The following COL14A1 variants were observed in gnomAD, a reference collection of about 807,000 sequenced individuals.
COL14A1 encodes the protein collagen type XIV alpha 1 chain.
A neutral mutation model predicts 230.3 loss-of-function variants in COL14A1; 136 were observed. That is an observed-to-expected ratio of 0.59 (90% CI 0.51 to 0.68). The LOEUF is 0.68. COL14A1 is among the 30% of genes least tolerant of loss of function. The probability of loss-of-function intolerance (pLI) is 0.00; values close to 1 mark genes in which losing one functional copy is unlikely to be tolerated. For synonymous variants in COL14A1, 792 were observed against 784.1 expected, an observed-to-expected ratio of 1.01 and a Z score of -0.17; for missense variants, 1,976 against 2,215.8, an observed-to-expected ratio of 0.89 and a Z score of 2.17.
At chr8:120,208,540 C>T (rs377434148) in intron 11 of COL14A1, among the ~76,000 whole-genome samples, 179 bp downstream of exon 11, 3 of 151,926 alleles carry the variant, frequency 2.0e-5, no homozygotes, top group East Asian at 1.9e-4. Flanking sequence ...ATAGTCTTGC[C>T]GGTGCTATGT....
intron 5 of COL14A1, among the ~76,000 whole-genome samples, chr8:120,174,646 G>T (rs1816214890): frequency 1.3e-5 from 2 of 152,132 alleles, no homozygotes; most frequent in Admixed American, 1.3e-4. Flanking sequence ...CTATCTCAAA[G>T]GGTTTATTGT....
At chr8:120,133,839 A>G (rs1814624549) in intron 1 of COL14A1, among the ~76,000 whole-genome samples, 1 of 152,126 alleles carries the variant, frequency 6.6e-6, no homozygotes, top group Admixed American at 6.5e-5. Context: ...AAGAAGAAAG[A>G]TATCATCTAC....
At chr8:120,149,772 G>A (rs1415422314) in intron 2 of COL14A1, among the ~76,000 whole-genome samples, 1 of 149,874 alleles carries the variant, frequency 6.7e-6, no homozygotes, top group African/African-American at 2.5e-5. Flanking sequence ...TCGGCTAACT[G>A]CAACCTCTGC....
intron 5 of COL14A1, among the ~76,000 whole-genome samples, chr8:120,171,775 A>G (rs1816100160): frequency 6.6e-6 from 1 of 152,136 alleles, no homozygotes; most frequent in South Asian, 2.1e-4. Context: ...AACTCTTTAA[A>G]TATTATTTTT....
At chr8:120,264,971 T>C (rs1361125745) in intron 24 of COL14A1, among the ~76,000 whole-genome samples, 1 of 152,160 alleles carries the variant, frequency 6.6e-6, no homozygotes, top group East Asian at 1.9e-4. Flanking sequence ...CTCTGTTTGA[T>C]GTAAATGTTT....
intron 17 of COL14A1, 56 bp from the exon 18 acceptor site, chr8:120,228,654 T>A: frequency 7.6e-7 from 1 of 1,320,278 alleles, no homozygotes; most frequent in Non-Finnish European, 1.1e-6. Context: ...TACAACATGC[T>A]ATAGAAAAAT....
At chr8:120,345,229 G>A (rs187817342) in intron 44 of COL14A1, 146 bp from the exon 45 acceptor site, 1 of 665,868 alleles carries the variant, frequency 1.5e-6, no homozygotes, top group Admixed American at 3.7e-5. Context: ...TGTTAAGCTG[G>A]AAATCAACAT....
intron 19 of COL14A1, among the ~76,000 whole-genome samples, chr8:120,239,813 T>C (rs1818558734): frequency 6.8e-6 from 1 of 147,016 alleles, no homozygotes; most frequent in Admixed American, 6.9e-5. Flanking sequence ...GGCTTTGTTT[T>C]GTTTTGTTTC....
chr8:120,196,537 A>G (rs1817044706), intron 5 of COL14A1, among the ~76,000 whole-genome samples: 2 of 152,164 alleles, frequency 1.3e-5, no homozygotes, highest in Admixed American at 6.5e-5. Flanking sequence ...AAATACACAG[A>G]AGGCTGAGTT....
chr8:120,302,988 C>CT (rs1190167535), intron 36 of COL14A1, among the ~76,000 whole-genome samples: 1 of 152,006 alleles, frequency 6.6e-6, no homozygotes, highest in Non-Finnish European at 1.5e-5. Flanking sequence ...GTATTTTATG[C>CT]TTTTTGTGGC....
intron 23 of COL14A1, among the ~76,000 whole-genome samples, chr8:120,257,352 C>T (rs1472044722): frequency 6.6e-6 from 1 of 152,130 alleles, no homozygotes; most frequent in African/African-American, 2.4e-5. Context: ...CAAAATTAGC[C>T]ACATTTCATT....
intron 47 of COL14A1, 119 bp downstream of exon 47, chr8:120,369,604 C>A: frequency 2.1e-6 from 2 of 950,846 alleles, no homozygotes; most frequent in Non-Finnish European, 2.9e-6. Context: ...GGAAGCAGAG[C>A]TTGAATGCCT....
At chr8:120,142,958 C>T (rs1041500044) in intron 1 of COL14A1, among the ~76,000 whole-genome samples, 57 of 152,268 alleles carry the variant, frequency 3.7e-4, no homozygotes, top group African/African-American at 1.2e-3. Context: ...GATTTAACTA[C>T]GTGAGTCATG....
intron 14 of COL14A1, 65 bp from the exon 15 acceptor site, chr8:120,225,023 A>G: frequency 6.7e-7 from 1 of 1,483,220 alleles, no homozygotes; most frequent in Non-Finnish European, 9.1e-7. Context: ...GCTACAGACA[A>G]TAATAAAATG....
intron 28 of COL14A1, among the ~76,000 whole-genome samples, chr8:120,279,136 AC>A (rs1391795710): frequency 2.2e-4 from 27 of 123,078 alleles, no homozygotes; most frequent in African/African-American, 8.4e-4. Context: ...AACATCACAC[AC>A]GGGGGCCTGT....
In COL14A1 at chr8:120,371,663, A is replaced by G; in HGVS notation, c.*432A>G. 5.0e-6 allele frequency: 2 copies of G among 398,632 alleles called. No homozygotes were observed. Among genetic ancestry groups the G allele is most frequent in the Non-Finnish European group, 8.9e-6 (2 of 225,854 alleles). 24.7% of individuals were successfully genotyped at this position (398,632 alleles called of 1,614,324 possible). A position where few individuals can be genotyped will look rare whatever the true frequency, so the allele number is the denominator to read the frequency against. On this transcript the variant is annotated 3_prime_UTR_variant, in exon 48 of 48. Transcript: ENST00000297848. Reference sequence around the variant, plus strand: ...TATGTCACTTACTCCTACTTGCTGTAGGAATAACCTTGCTGATAAGAAAAA... The same window carrying G: ...TATGTCACTTACTCCTACTTGCTGTGGGAATAACCTTGCTGATAAGAAAAA...
rs933068932 is a variant in COL14A1, at chr8:120,182,894, T to C, written c.437-13897T>C. ...GGCGTGTGACACCATGCCTGGATAA[T>C]TTTTTGTATTTTAGTACAGACAGGG... On this transcript the variant is annotated intron_variant, in intron 5 of 47. Transcript: ENST00000297848. Among the ~76,000 whole-genome samples, 12 of 151,956 alleles carry C rather than the reference T, an allele frequency of 7.9e-5. No individual in the cohort carries two copies. In the South Asian group the frequency reaches 1.7e-3, roughly 21 times the overall value.
intron 3 of COL14A1, among the ~76,000 whole-genome samples, chr8:120,160,772 C>T (rs1294784342): frequency 6.6e-6 from 1 of 152,128 alleles, no homozygotes; most frequent in Non-Finnish European, 1.5e-5. Context: ...TTTCTGCCAG[C>T]CTTTCTGAAA....
chr8:120,231,686 G>A lies in COL14A1; in HGVS notation c.2349+68G>A, dbSNP rs1329290172. The A allele has an allele frequency of 1.9e-5, 28 of 1,492,834 alleles. No individual in the cohort carries two copies. The East Asian group carries it at 4.0e-4, about 21-fold the overall frequency. 92.5% of individuals were successfully genotyped at this position (1,492,834 alleles called of 1,614,324 possible). On this transcript the variant is annotated intron_variant, in intron 19 of 47. Transcript: ENST00000297848. Reference sequence around the variant, plus strand: ...TAACACAGCTAATAAGACTGTCTTCGGAGATCAATGCAAACTTTACTGCTC... The same window carrying A: ...TAACACAGCTAATAAGACTGTCTTCAGAGATCAATGCAAACTTTACTGCTC...
Sources: allele counts gnomAD v4.1 joint callset (sites outside exome capture counted in the v4.1 genomes callset), GRCh38; gene constraint gnomAD v4.1.1; transcripts MANE v1.5; gene names NCBI Gene and HGNC (gene_info 2026-07-23, HGNC 2026-07-21).